Variants in MAGI2 observed in about 807,000 individuals in gnomAD.
The protein encoded by MAGI2 is membrane associated guanylate kinase, WW and PDZ domain containing 2.
MAGI2 carries 35 observed loss-of-function variants against 133.3 expected under a neutral mutation model. The observed-to-expected ratio is 0.26, with a 90% confidence interval of 0.20 to 0.35. The LOEUF (loss-of-function observed/expected upper bound fraction) is 0.35, where lower values mean the gene tolerates loss of function less well. Among genes scored for constraint, MAGI2 ranks in the 10% least tolerant of loss-of-function variants. The pLI is 1.00. For synonymous variants in MAGI2, 729 were observed against 710.6 expected, an observed-to-expected ratio of 1.03 and a Z score of -0.41; for missense variants, 1,636 against 1,863.4, an observed-to-expected ratio of 0.88 and a Z score of 2.25.
intron 6 of MAGI2, among the ~76,000 whole-genome samples, chr7:78,382,202 A>G (rs1286281397): frequency 6.6e-6 from 1 of 152,020 alleles, no homozygotes; most frequent in Admixed American, 6.6e-5. Flanking sequence ...GTTTTTTTTA[A>G]AAAAACACAG....
In MAGI2 at chr7:78,854,367, T is replaced by C. The variant is rs983931042; in HGVS notation, c.418+152723A>G. Among the ~76,000 whole-genome samples, 4 of 152,228 alleles carry C rather than the reference T, an allele frequency of 2.6e-5. No individual in the cohort carries two copies. In the East Asian group the frequency reaches 7.7e-4, roughly 29 times the overall value. ...CAGGTGTGACAAGATAGGAACCTTG[T>C]TTTATAATTTGTTATAAAACTTATA... is the stretch of plus-strand genomic sequence containing the variant. On this transcript the variant is annotated intron_variant, in intron 2 of 21. Coordinates refer to ENST00000354212, the MANE Select transcript of MAGI2 (RefSeq NM_012301.4).
chr7:79,338,801 C>A (rs1479557465), intron 1 of MAGI2, among the ~76,000 whole-genome samples: 1 of 152,046 alleles, frequency 6.6e-6, no homozygotes, highest in African/African-American at 2.4e-5. Context: ...GATGGGAGAG[C>A]CTCGTAGCCA....
chr7:79,190,681 T>C (rs1827573110), intron 1 of MAGI2, among the ~76,000 whole-genome samples: 1 of 151,928 alleles, frequency 6.6e-6, no homozygotes, highest in Non-Finnish European at 1.5e-5. Context: ...ATTTGCATGT[T>C]CTACCATCTT....
intron 3 of MAGI2, 22 bp from the exon 4 acceptor site, chr7:78,521,667 T>C (rs1300490536): frequency 3.8e-6 from 6 of 1,595,884 alleles, no homozygotes; most frequent in Non-Finnish European, 5.2e-6. Context: ...ACCAAAACAT[T>C]CTTGGAGTTA....
At chr7:78,349,634 G>A (rs1791285963) in intron 7 of MAGI2, among the ~76,000 whole-genome samples, 2 of 152,250 alleles carry the variant, frequency 1.3e-5, no homozygotes, top group Middle Eastern at 3.4e-3. Flanking sequence ...GAGCTAGTTT[G>A]GCATGCCTTG....
intron 1 of MAGI2, among the ~76,000 whole-genome samples, chr7:79,289,318 T>G (rs2242505): frequency 6.6e-6 from 1 of 151,934 alleles, no homozygotes; most frequent in East Asian, 1.9e-4. Context: ...AAAAATTAAC[T>G]GGGAGGGCAG....
intron 6 of MAGI2, among the ~76,000 whole-genome samples, chr7:78,461,702 G>A (rs1250405831): frequency 6.6e-6 from 1 of 151,434 alleles, no homozygotes; most frequent in South Asian, 2.1e-4. Flanking sequence ...ACCTGAGGTC[G>A]GGAGTCCGAG....
intron 21 of MAGI2, among the ~76,000 whole-genome samples, chr7:78,068,695 T>C (rs1814117837): frequency 6.6e-6 from 1 of 152,112 alleles, no homozygotes; most frequent in Non-Finnish European, 1.5e-5. Context: ...AATTAAAGCT[T>C]GAGTTATTTG....
At chr7:79,372,797 C>T (rs1459296975) in intron 1 of MAGI2, among the ~76,000 whole-genome samples, 1 of 151,910 alleles carries the variant, frequency 6.6e-6, no homozygotes, top group East Asian at 1.9e-4. Context: ...AGTCAAGACT[C>T]AAAGAAAATA....
intron 4 of MAGI2, among the ~76,000 whole-genome samples, chr7:78,513,367 G>C (rs55746432): frequency 0.03 from 4,567 of 152,224 alleles, 213 homozygotes; most frequent in African/African-American, 0.1. Context: ...AGCAATGGGT[G>C]CTCAGAGAGA....
At chr7:78,516,236 C>T (rs1316294029) in intron 4 of MAGI2, among the ~76,000 whole-genome samples, 3 of 152,202 alleles carry the variant, frequency 2.0e-5, no homozygotes, top group Non-Finnish European at 4.4e-5. Context: ...GGAGCCCGTG[C>T]TAACAGAGAT....
chr7:79,299,554 CAAA>C lies in MAGI2; in HGVS notation c.301+153463_301+153465del, dbSNP rs57740248. Among the ~76,000 whole-genome samples the C allele has an allele frequency of 1.7e-4, 14 of 84,706 alleles. No homozygotes were observed. In the South Asian group the frequency reaches 3.4e-3, roughly 21 times the overall value. 55.6% of individuals were successfully genotyped at this position (84,706 alleles called of 152,430 possible). A position where few individuals can be genotyped will look rare whatever the true frequency, so the allele number is the denominator to read the frequency against. On this transcript the variant is annotated intron_variant, in intron 1 of 21. Transcript: ENST00000354212. ...CTGGAGACAGAGCAAGACTCCATCT[CAAA>C]AAAAAAAAAAAAAAAAGATATCTTT...
chr7:79,367,959 G>A (rs1842829717), intron 1 of MAGI2, among the ~76,000 whole-genome samples: 3 of 149,878 alleles, frequency 2.0e-5, no homozygotes, highest in Non-Finnish European at 4.4e-5. Flanking sequence ...CCACAAGGGT[G>A]TGGAATCATC....
At chr7:78,975,173 C>T (rs1054454703) in intron 2 of MAGI2, among the ~76,000 whole-genome samples, 29 of 151,716 alleles carry the variant, frequency 1.9e-4, no homozygotes, top group African/African-American at 6.8e-4. Context: ...CACCACGAAT[C>T]AGTTTAACCT....
intron 2 of MAGI2, among the ~76,000 whole-genome samples, chr7:78,811,430 T>C (rs1407312359): frequency 6.6e-6 from 1 of 151,952 alleles, no homozygotes; most frequent in Non-Finnish European, 1.5e-5. Context: ...AATAATTAAA[T>C]GATTTTTGAA....
At chr7:79,034,625 T>G (rs556326516) in intron 1 of MAGI2, among the ~76,000 whole-genome samples, 1 of 152,234 alleles carries the variant, frequency 6.6e-6, no homozygotes, top group South Asian at 2.1e-4. Flanking sequence ...TTATAAAAGA[T>G]ACTCAAAGAA....
At chr7:78,759,883 C>A (rs1824310128) in intron 2 of MAGI2, among the ~76,000 whole-genome samples, 1 of 151,920 alleles carries the variant, frequency 6.6e-6, no homozygotes, top group Non-Finnish European at 1.5e-5. Context: ...AATCCCAGCA[C>A]TTTGGGAGGC....
chr7:78,247,974 C>G (rs1370545139), intron 10 of MAGI2, among the ~76,000 whole-genome samples: 1 of 152,144 alleles, frequency 6.6e-6, no homozygotes, highest in Admixed American at 6.5e-5. Context: ...ATGAAGCTTA[C>G]AGGTTCCCAA....
At chr7:78,403,652 G>C (rs62468767) in intron 6 of MAGI2, among the ~76,000 whole-genome samples, 43,187 of 151,792 alleles carry the variant, frequency 0.28, 6,518 homozygotes, top group Middle Eastern at 0.36. Flanking sequence ...CACATCCTCT[G>C]CAGCACCTGT....
Sources: gnomAD v4.1 joint callset for allele counts (sites outside exome capture counted in the v4.1 genomes callset) on GRCh38, gnomAD v4.1.1 for gene constraint, MANE v1.5 for transcripts, NCBI Gene and HGNC (gene_info 2026-07-23, HGNC 2026-07-21) for gene names.